The following FANCC variants were observed in gnomAD, a reference collection of about 807,000 sequenced individuals.
FANCC encodes the protein Fanconi anemia group C protein.
FANCC carries 55 observed loss-of-function variants against 71.3 expected under a neutral mutation model. The observed-to-expected ratio is 0.77, with a 90% CI of 0.62 to 0.97. The LOEUF (loss-of-function observed/expected upper bound fraction) is 0.97. FANCC is among the 50% of genes least tolerant of loss of function. FANCC has a pLI of 0.00. For synonymous variants in FANCC, 275 were observed against 244.9 expected (o/e 1.12, Z -1.15); for missense variants, 678 against 670.9 (o/e 1.01, Z -0.12).
At chr9:95,202,968 G>C (rs749770506) in intron 4 of FANCC, among the ~76,000 whole-genome samples, 30 of 152,090 alleles carry the variant, frequency 2.0e-4, no homozygotes, top group Non-Finnish European at 3.4e-4. Context: ...AATTCAGATG[G>C]GTCCAGATTA....
chr9:95,314,482 T>C (rs989818399), intron 1 of FANCC, among the ~76,000 whole-genome samples: 1 of 152,070 alleles, frequency 6.6e-6, no homozygotes, highest in Non-Finnish European at 1.5e-5. Context: ...TGAAACCCCG[T>C]CTCTACTAAA....
chr9:95,282,121 A>T (rs529629824), intron 1 of FANCC, among the ~76,000 whole-genome samples: 23 of 151,354 alleles, frequency 1.5e-4, no homozygotes, highest in Middle Eastern at 6.8e-3. Context: ...AAATGGATTT[A>T]AAAAAAAAGA....
intron 8 of FANCC, among the ~76,000 whole-genome samples, chr9:95,129,206 C>A (rs189230225): frequency 6.6e-6 from 1 of 152,124 alleles, no homozygotes; most frequent in South Asian, 2.1e-4. Context: ...TCATCTGCAC[C>A]CCTCACCGAT....
intron 8 of FANCC, among the ~76,000 whole-genome samples, chr9:95,132,571 G>T (rs1827070363): frequency 6.6e-6 from 1 of 152,168 alleles, no homozygotes; most frequent in South Asian, 2.1e-4. Context: ...CTTGATGTAG[G>T]AGCTACCAAC....
At position 95,282,180 on chromosome 9, in the gene FANCC, A is replaced by G. The variant is rs1833418573; in HGVS notation, c.-78-32811T>C. Among the ~76,000 whole-genome samples, 3 of 152,092 alleles carry G rather than the reference A, an allele frequency of 2.0e-5. No individual in the cohort carries two copies. In the South Asian group the frequency reaches 6.2e-4, roughly 31 times the overall value. ...CCTACAAAAGACTTGCCTCACCTAT[A>G]AGGATACACATAGACTGAAAGTAAA... On this transcript the variant is annotated intron_variant, in intron 1 of 14. Transcript: ENST00000289081.
rs1387576675 is a variant in FANCC, at chr9:95,111,632, C to T, written c.1160G>A (p.Cys387Tyr). 5 of 1,614,150 alleles carry T rather than the reference C, an allele frequency of 3.1e-6. No individual in the cohort carries two copies. Among genetic ancestry groups the T allele is most frequent in the Non-Finnish European group, 4.2e-6 (5 of 1,180,050 alleles). The change falls in exon 13 of 15, where the codon TGC becomes TAC. Residue 387 changes from cysteine to tyrosine, a missense_variant. Cys to Tyr is a radical substitution (Grantham distance 194). Coordinates refer to ENST00000289081, the MANE Select transcript of FANCC (RefSeq NM_000136.3). Reference protein sequence around the residue: ...EAVEDQTHGSCGGPFESWFLF... With the variant: ...EAVEDQTHGSYGGPFESWFLF... The stretch of plus-strand genomic sequence containing the variant: ...GAACCAGCTCTCAAAGGGACCTCCG[C>T]AGGACCTGGAACAGAGGCAGAACAC...
At chr9:95,133,147 G>T (rs1293608770) in intron 8 of FANCC, among the ~76,000 whole-genome samples, 1 of 152,228 alleles carries the variant, frequency 6.6e-6, no homozygotes, top group Non-Finnish European at 1.5e-5. Context: ...TAGGAAGCAG[G>T]CTCTTCAGGT....
chr9:95,161,813 A>G (rs1588204515), intron 6 of FANCC, among the ~76,000 whole-genome samples: 1 of 148,788 alleles, frequency 6.7e-6, no homozygotes, highest in Non-Finnish European at 1.5e-5. Flanking sequence ...CAAGGTAACC[A>G]CTATTCTACT....
chr9:95,183,875 T>C (rs1351381924), intron 4 of FANCC, among the ~76,000 whole-genome samples: 1 of 152,240 alleles, frequency 6.6e-6, no homozygotes, highest in East Asian at 1.9e-4. Context: ...AACATGTTTT[T>C]CCTGCAAAAC....
chr9:95,162,268 T>C (rs185807510), intron 6 of FANCC, among the ~76,000 whole-genome samples: 1 of 152,240 alleles, frequency 6.6e-6, no homozygotes, highest in East Asian at 1.9e-4. Context: ...TCATCCACAC[T>C]GTAGCATATG....
chr9:95,311,805 C>T (rs1835423787), intron 1 of FANCC, among the ~76,000 whole-genome samples: 1 of 151,728 alleles, frequency 6.6e-6, no homozygotes, highest in Non-Finnish European at 1.5e-5. Context: ...TCTCAGATTC[C>T]ACTAAAATAG....
intron 4 of FANCC, among the ~76,000 whole-genome samples, chr9:95,222,997 A>C (rs1047070210): frequency 6.6e-6 from 1 of 152,194 alleles, no homozygotes; most frequent in Non-Finnish European, 1.5e-5. Flanking sequence ...TTGGATTCTC[A>C]TTTTTTCTGA....
chr9:95,107,249 C>T lies in FANCC; in HGVS notation c.1350G>A (p.Leu450=), dbSNP rs892063660. The change falls in exon 14 of 15, where the codon CTG becomes CTA. Residue 450 remains leucine, a synonymous_variant. Transcript: ENST00000289081. ...TTCTGGACATTGCCAGGAGGTGGCC[C>T]AGCACGGCCTTCACCTGGACCTGGG... ...AQTMVQVKAV[L]GHLLAMSRSS... is the part of the protein sequence containing the mutation. 4 of 1,613,870 alleles carry T rather than the reference C, an allele frequency of 2.5e-6. No homozygotes were observed. Among genetic ancestry groups the T allele is most frequent in the African/African-American group, 1.3e-5 (1 of 74,916 alleles).
intron 4 of FANCC, among the ~76,000 whole-genome samples, chr9:95,208,697 T>TA (rs1223593957): frequency 2.0e-5 from 3 of 152,160 alleles, no homozygotes. Context: ...GATACCACTA[T>TA]ACACCTATTA....
rs116027750 is a variant in FANCC at position 95,166,600 on chromosome 9, T to C, written c.521+4479A>G. On this transcript the variant is annotated intron_variant, in intron 6 of 14. Transcript: ENST00000289081. ...TTACACTTTTATCTTTTAAGTTCTATACCAGAATTAAAAAGTGATTTATGT... is the reference window on the plus strand; with the variant it reads ...TTACACTTTTATCTTTTAAGTTCTACACCAGAATTAAAAAGTGATTTATGT... 6.5e-3 allele frequency among the ~76,000 whole-genome samples: 993 copies of C among 152,320 alleles called. 7 individuals are homozygous for C. The highest frequency in any genetic ancestry group is 0.021 in the African/African-American group (867 of 41,574).
At chr9:95,283,522 C>G (rs1327130135) in intron 1 of FANCC, among the ~76,000 whole-genome samples, 2 of 152,200 alleles carry the variant, frequency 1.3e-5, no homozygotes, top group African/African-American at 4.8e-5. Flanking sequence ...CACCCTGATT[C>G]TGAACCCACT....
rs187012272 is a variant in FANCC, at chr9:95,260,838, A to G, written c.-78-11469T>C. ...ACAAAATTTTGCAAATTGTTGAAAT[A>G]GTATGTATTTTCTGTTTGTTTGTTT... is the stretch of plus-strand genomic sequence containing the variant. On this transcript the variant is annotated intron_variant, in intron 1 of 14. Transcript: ENST00000289081. Among the ~76,000 whole-genome samples the G allele has an allele frequency of 4.0e-3, 612 of 152,354 alleles. 2 individuals carry two copies. Among genetic ancestry groups the G allele is most frequent in the Middle Eastern group, 0.014 (4 of 294 alleles).
intron 4 of FANCC, among the ~76,000 whole-genome samples, chr9:95,200,546 G>A (rs1827743592): frequency 6.6e-6 from 1 of 152,176 alleles, no homozygotes; most frequent in Non-Finnish European, 1.5e-5. Context: ...AGGGATGTGA[G>A]GACTTGATCC....
intron 3 of FANCC, 88 bp downstream of exon 3, chr9:95,247,329 ATTAAAAAAAAAAAAC>A (rs1831048390): frequency 7.0e-6 from 6 of 855,318 alleles, no homozygotes; most frequent in Non-Finnish European, 1.2e-5. Flanking sequence ...AAGTTGTTCC[ATTAAAAAAAAAAAAC>A]TAGGAGAAAG....
Sources: gnomAD v4.1 joint callset for allele counts (sites outside exome capture counted in the v4.1 genomes callset) on GRCh38, gnomAD v4.1.1 for gene constraint, MANE v1.5 for transcripts, NCBI Gene and HGNC (gene_info 2026-07-23, HGNC 2026-07-21) for gene names.